The following INPP1 variants were observed in gnomAD, a reference collection of about 807,000 sequenced individuals.
INPP1 encodes inositol polyphosphate-1-phosphatase.
INPP1 carries 18 observed loss-of-function variants against 23.0 expected under a neutral mutation model. That is an observed-to-expected ratio of 0.78 (90% CI 0.54 to 1.16). The LOEUF (loss-of-function observed/expected upper bound fraction) is 1.16, where lower values mean the gene tolerates loss of function less well. INPP1 is among the 50% of genes most tolerant of loss of function. The pLI, the probability that INPP1 is intolerant of heterozygous loss-of-function variation, is 0.00. For missense variants in INPP1, 448 were observed against 482.1 expected, an observed-to-expected ratio of 0.93 and a Z score of 0.66; for synonymous variants, 164 against 176.3, an observed-to-expected ratio of 0.93 and a Z score of 0.55.
chr2:190,347,544 A>G (rs545680525), intron 1 of INPP1, among the ~76,000 whole-genome samples: 19 of 143,450 alleles, frequency 1.3e-4, no homozygotes, highest in Non-Finnish European at 2.6e-4. Flanking sequence ...TTGGGGGGGG[A>G]TGGAGAGTGT....
intron 1 of INPP1, among the ~76,000 whole-genome samples, chr2:190,344,615 A>C (rs560166046): frequency 1.3e-5 from 2 of 152,352 alleles, no homozygotes; most frequent in East Asian, 1.9e-4. Context: ...TGGTAGCTGG[A>C]AAAAAATATT....
chr2:190,363,702 A>G lies in INPP1; in HGVS notation c.265+1015A>G, dbSNP rs1204986111. 6.6e-6 allele frequency among the ~76,000 whole-genome samples: 1 copy of G among 152,234 alleles called. No homozygotes were observed. The highest frequency in any genetic ancestry group is 2.4e-5 in the African/African-American group (1 of 41,452). Reference sequence around the variant, plus strand: ...GTTCTATGTTAGTAATACGGGAAAGAAATCTTTTAAACCTCTGAAGGTTAA... The same window carrying G: ...GTTCTATGTTAGTAATACGGGAAAGGAATCTTTTAAACCTCTGAAGGTTAA... On this transcript the variant is annotated intron_variant, in intron 4 of 6. Transcript: ENST00000392329. The surrounding 1 kb of genome is among the most constrained non-coding windows in gnomAD (Gnocchi z 4.4).
At chr2:190,361,402 A>G (rs1689530870) in intron 3 of INPP1, among the ~76,000 whole-genome samples, 1 of 152,246 alleles carries the variant, frequency 6.6e-6, no homozygotes, top group Non-Finnish European at 1.5e-5. Flanking sequence ...TCTTGACCAC[A>G]GGCGAAGAGA....
rs61105104 is a variant in INPP1 at position 190,351,686 on chromosome 2, A to G, written c.-65+2655A>G. 5.2e-3 allele frequency among the ~76,000 whole-genome samples: 791 copies of G among 152,354 alleles called. 33 individuals carry two copies. In the East Asian group the frequency reaches 0.1, roughly 20 times the overall value. Reference sequence around the variant, plus strand: ...TGCTGTATAGCATTTCATTACATGAATATGCTGCAGTTTATTCCATTTTAC... The same window carrying G: ...TGCTGTATAGCATTTCATTACATGAGTATGCTGCAGTTTATTCCATTTTAC... On this transcript the variant is annotated intron_variant, in intron 2 of 6. Coordinates refer to ENST00000392329, the MANE Select transcript of INPP1 (RefSeq NM_001128928.2).
At chr2:190,358,324 G>A (rs1218274886) in intron 2 of INPP1, among the ~76,000 whole-genome samples, 2 of 151,956 alleles carry the variant, frequency 1.3e-5, no homozygotes, top group Admixed American at 6.6e-5. Flanking sequence ...TGATCCATGC[G>A]CCTTGGCCTC....
At chr2:190,361,020 C>G (rs901668238) in intron 3 of INPP1, among the ~76,000 whole-genome samples, 1 of 152,140 alleles carries the variant, frequency 6.6e-6, no homozygotes, top group Non-Finnish European at 1.5e-5. Flanking sequence ...ATAATACTAG[C>G]AGCACTTATA....
chr2:190,348,567 GT>G (rs1324116143), intron 1 of INPP1, among the ~76,000 whole-genome samples: 24 of 152,154 alleles, frequency 1.6e-4, no homozygotes, highest in African/African-American at 5.5e-4. Context: ...CCCAGCCCTA[GT>G]AACCACCATC....
chr2:190,350,033 C>T (rs1027332595), intron 2 of INPP1, among the ~76,000 whole-genome samples: 6 of 152,088 alleles, frequency 3.9e-5, no homozygotes, highest in Admixed American at 6.6e-5. Flanking sequence ...TTAGTAGAAA[C>T]GGGATTTTGC....
In INPP1 at chr2:190,371,313, G is replaced by C. The variant is rs1284581698; in HGVS notation, c.1111G>C (p.Gly371Arg). ...AGVDRWANKG[G>R]LIAYRSRKRL... Reference sequence around the variant, plus strand: ...GGTGGATCGGTGGGCCAACAAGGGAGGACTCATTGCATACAGATCCAGGAA... The same window carrying C: ...GGTGGATCGGTGGGCCAACAAGGGACGACTCATTGCATACAGATCCAGGAA... Residue 371 changes from glycine to arginine, a missense_variant, in exon 7 of 7, where the codon GGA becomes CGA. Coordinates refer to ENST00000392329, the MANE Select transcript of INPP1 (RefSeq NM_001128928.2). The surrounding 1 kb of genome is among the most constrained non-coding windows in gnomAD (Gnocchi z 5.3). 2 of 1,602,768 alleles carry C rather than the reference G, an allele frequency of 1.2e-6. No homozygotes were observed. The highest frequency in any genetic ancestry group is 1.7e-6 in the Non-Finnish European group (2 of 1,173,780).
chr2:190,353,837 A>G (rs1414077120), intron 2 of INPP1, among the ~76,000 whole-genome samples: 1 of 152,192 alleles, frequency 6.6e-6, no homozygotes. Context: ...TAAACCTCTG[A>G]TGTTCTGATA....
At position 190,363,251 on chromosome 2, in the gene INPP1, T is replaced by C. The variant is rs1689569377; in HGVS notation, c.265+564T>C. 6.6e-6 allele frequency among the ~76,000 whole-genome samples: 1 copy of C among 152,200 alleles called. No individual in the cohort carries two copies. The highest frequency in any genetic ancestry group is 2.1e-4 in the South Asian group (1 of 4,826). On this transcript the variant is annotated intron_variant, in intron 4 of 6. Transcript: ENST00000392329. This position sits in a 1 kb window ranked among gnomAD's most constrained non-coding sequence, Gnocchi z 4.4. The stretch of plus-strand genomic sequence containing the variant: ...AGTTTTTTGGTTTGTTTGTTTGTTT[T>C]TGAGACAGAGTTGCTCTGTTGCCCA...
Position 190,362,639 on chromosome 2 carries a change from GA to G in INPP1, c.224del (p.Asn75IlefsTer20). 4 of 1,607,112 alleles carry G rather than the reference GA, an allele frequency of 2.5e-6. No individual in the cohort carries two copies. The highest frequency in any genetic ancestry group is 2.2e-5 in the East Asian group (1 of 44,640). On this transcript the variant is annotated frameshift_variant, in exon 4 of 7. Transcript: ENST00000392329. LOFTEE classifies it high-confidence loss of function. ...QNMENKFPGL[E>X]KNIFGEESNE... is the part of the protein sequence containing the mutation. ...CTGAATCATTCAGTTTCCAGGCTTG[GA>G]AAAAAATATTTTTGGAGAAGAATCC...
chr2:190,355,124 G>C lies in INPP1; in HGVS notation c.-64-4915G>C, dbSNP rs7601609. Among the ~76,000 whole-genome samples the C allele has an allele frequency of 6.6e-6, 1 of 151,914 alleles. No homozygotes were observed. The highest frequency in any genetic ancestry group is 2.4e-5 in the African/African-American group (1 of 41,272). On this transcript the variant is annotated intron_variant, in intron 2 of 6. Transcript: ENST00000392329. The surrounding 1 kb of genome is among the most constrained non-coding windows in gnomAD (Gnocchi z 5.1). The stretch of plus-strand genomic sequence containing the variant: ...GCCAGCTTGCCTAGGTTTGAATCTT[G>C]TCCCACAACTTCCTAGCTCTGTGAT...
At chr2:190,359,556 CAAA>C (rs756661265) in intron 2 of INPP1, 14 of 61,316 alleles carry the variant, frequency 2.3e-4, no homozygotes, top group South Asian at 4.8e-4. Flanking sequence ...GACTCCGTCT[CAAA>C]AAAAAAAAAA....
At chr2:190,366,574 G>A (rs1049948423) in intron 4 of INPP1, 121 bp from the exon 5 acceptor site, 3 of 717,020 alleles carry the variant, frequency 4.2e-6, no homozygotes, top group Non-Finnish European at 4.8e-6. Context: ...TGTGTCTCTC[G>A]CTCTCTCTCT....
chr2:190,354,317 AT>A lies in INPP1; in HGVS notation c.-65+5288del, dbSNP rs1486992718. Among the ~76,000 whole-genome samples, 1 of 152,202 alleles carries A rather than the reference AT, an allele frequency of 6.6e-6. No individual in the cohort carries two copies. Among genetic ancestry groups the A allele is most frequent in the Non-Finnish European group, 1.5e-5 (1 of 68,038 alleles). ...AGGAATAGATTGTGTCAGCTAATAG[AT>A]TGGGTCGCTAAGGTAACCACGGCCT... On this transcript the variant is annotated intron_variant, in intron 2 of 6. Coordinates refer to ENST00000392329, the MANE Select transcript of INPP1 (RefSeq NM_001128928.2). This position sits in a 1 kb window ranked among gnomAD's most constrained non-coding sequence, Gnocchi z 4.8.
At position 190,366,707 on chromosome 2, in the gene INPP1, C is replaced by G; in HGVS notation, c.278C>G (p.Thr93Ser). 1 of 1,611,834 alleles carries G rather than the reference C, an allele frequency of 6.2e-7. No individual in the cohort carries two copies. Among genetic ancestry groups the G allele is most frequent in the East Asian group, 2.2e-5 (1 of 44,870 alleles). ...EFTNDWGEKI[T>S]LRLCSTEEET... ...GGCTTTACCCTAGGGGAAAAGATTA[C>G]CTTGAGGTTGTGTTCAACAGAGGAG... Residue 93 changes from threonine to serine, a missense_variant, in exon 5 of 7, where the codon ACC becomes AGC. By Grantham distance (58) the Thr-to-Ser change is moderately conservative. Coordinates refer to ENST00000392329, the MANE Select transcript of INPP1 (RefSeq NM_001128928.2).
intron 6 of INPP1, 76 bp from the exon 7 acceptor site, chr2:190,370,768 C>T: frequency 1.0e-6 from 1 of 978,740 alleles, no homozygotes; most frequent in Non-Finnish European, 1.5e-6. Flanking sequence ...TTCTTCGTAT[C>T]ATTAAGTTTG....
chr2:190,370,298 A>AGTTGTT (rs1689775961), intron 6 of INPP1, among the ~76,000 whole-genome samples: 1 of 152,216 alleles, frequency 6.6e-6, no homozygotes, highest in Non-Finnish European at 1.5e-5. Flanking sequence ...CAACATAGAC[A>AGTTGTT]GTAAGTTAAG....
Sources: allele counts gnomAD v4.1 joint callset (sites outside exome capture counted in the v4.1 genomes callset), GRCh38; gene constraint gnomAD v4.1.1; non-coding constraint Gnocchi (gnomAD v3.1); transcripts MANE v1.5; gene names NCBI Gene and HGNC (gene_info 2026-07-23, HGNC 2026-07-21).